The following ELMO1 variants were observed in gnomAD, a reference collection of about 807,000 sequenced individuals.
ELMO1 encodes the protein engulfment and cell motility protein 1.
Under a neutral mutation model 98.9 loss-of-function variants are expected in ELMO1, and 26 were observed. That is an observed-to-expected ratio of 0.26 (90% CI 0.19 to 0.36). ELMO1 has a LOEUF of 0.36. ELMO1 is among the 10% of genes least tolerant of loss of function. The probability of loss-of-function intolerance (pLI) is 1.00; values close to 1 mark genes in which losing one functional copy is unlikely to be tolerated. For missense variants in ELMO1, 627 were observed against 935.2 expected, an observed-to-expected ratio of 0.67 and a Z score of 4.30; for synonymous variants, 346 against 346.0, an observed-to-expected ratio of 1.00 and a Z score of 0.00.
chr7:37,309,744 G>T (rs1396331439), intron 4 of ELMO1, among the ~76,000 whole-genome samples: 1 of 152,176 alleles, frequency 6.6e-6, no homozygotes, highest in African/African-American at 2.4e-5. Flanking sequence ...GTCACAGCAG[G>T]TCTCTCACAA....
intron 1 of ELMO1, among the ~76,000 whole-genome samples, chr7:37,358,975 T>C (rs989732703): frequency 1.9e-4 from 29 of 152,266 alleles, no homozygotes; most frequent in African/African-American, 4.6e-4. Flanking sequence ...CAATTGATAA[T>C]AGACAAACAG....
At chr7:37,254,775 G>A (rs1795551255) in intron 6 of ELMO1, among the ~76,000 whole-genome samples, 1 of 152,214 alleles carries the variant, frequency 6.6e-6, no homozygotes, top group African/African-American at 2.4e-5. Context: ...CGTGACTGTA[G>A]TTAAGATATT....
intron 13 of ELMO1, among the ~76,000 whole-genome samples, chr7:37,145,105 T>C (rs1787897251): frequency 6.6e-6 from 1 of 152,200 alleles, no homozygotes; most frequent in African/African-American, 2.4e-5. Context: ...GTTAAAGCAC[T>C]GATTGCTGGC....
At chr7:36,937,694 T>C (rs1786666061) in intron 16 of ELMO1, among the ~76,000 whole-genome samples, 1 of 152,248 alleles carries the variant, frequency 6.6e-6, no homozygotes. Flanking sequence ...CTATTGACAA[T>C]AGTGTATGCT....
chr7:37,334,672 A>G (rs1562623096), intron 2 of ELMO1, among the ~76,000 whole-genome samples: 1 of 152,180 alleles, frequency 6.6e-6, no homozygotes, highest in Non-Finnish European at 1.5e-5. Flanking sequence ...TGCTGTTATT[A>G]TTACTGCTAC....
intron 15 of ELMO1, among the ~76,000 whole-genome samples, chr7:37,043,473 G>A (rs1161492016): frequency 6.6e-6 from 1 of 152,204 alleles, no homozygotes; most frequent in Non-Finnish European, 1.5e-5. Flanking sequence ...CCACACAGGA[G>A]GTTTTGGAGT....
At chr7:37,178,125 T>C (rs1418673808) in intron 13 of ELMO1, among the ~76,000 whole-genome samples, 1 of 151,936 alleles carries the variant, frequency 6.6e-6, no homozygotes, top group Non-Finnish European at 1.5e-5. Flanking sequence ...TTCATGCTGC[T>C]GATAAAGACA....
At chr7:37,328,094 G>A (rs565501725) in intron 2 of ELMO1, among the ~76,000 whole-genome samples, 9 of 152,154 alleles carry the variant, frequency 5.9e-5, no homozygotes, top group Admixed American at 1.3e-4. Context: ...AAAACGTTAC[G>A]TAATTTGGCC....
chr7:37,343,141 C>G (rs1800807941), intron 1 of ELMO1: 2 of 158,690 alleles, frequency 1.3e-5, no homozygotes, highest in Admixed American at 1.2e-4. Context: ...TGGCACTCAA[C>G]AGTCTGAGGA....
chr7:37,086,672 G>T (rs958666743), intron 15 of ELMO1, among the ~76,000 whole-genome samples: 1 of 148,194 alleles, frequency 6.7e-6, no homozygotes, highest in Admixed American at 6.8e-5. Flanking sequence ...GAACCCAGGA[G>T]GCGGAGGTTG....
At chr7:37,204,298 C>T (rs747667166) in intron 13 of ELMO1, 3 of 447,244 alleles carry the variant, frequency 6.7e-6, no homozygotes, top group Non-Finnish European at 1.3e-5. Flanking sequence ...GATGTTCGGA[C>T]ATGTCCAGAG....
intron 13 of ELMO1, among the ~76,000 whole-genome samples, chr7:37,158,017 T>G (rs200343149): frequency 7.7e-4 from 114 of 147,178 alleles, no homozygotes; most frequent in South Asian, 1.1e-3. Context: ...TACAACCATC[T>G]GATCTTTGAC....
intron 15 of ELMO1, among the ~76,000 whole-genome samples, chr7:37,040,542 T>C (rs986590133): frequency 1.2e-4 from 19 of 152,204 alleles, no homozygotes; most frequent in African/African-American, 4.6e-4. Flanking sequence ...CAGAACTCTG[T>C]GGATGCCAAA....
chr7:37,303,166 C>T (rs971687577), intron 4 of ELMO1, among the ~76,000 whole-genome samples: 9 of 151,986 alleles, frequency 5.9e-5, no homozygotes, highest in African/African-American at 1.9e-4. Context: ...CTGGGATAAC[C>T]GAAGTAAAGG....
At chr7:37,162,997 A>G (rs183649596) in intron 13 of ELMO1, among the ~76,000 whole-genome samples, 5 of 152,328 alleles carry the variant, frequency 3.3e-5, no homozygotes, top group East Asian at 1.9e-4. Context: ...ATGTTCCAAT[A>G]TGACATTGAA....
intron 1 of ELMO1, among the ~76,000 whole-genome samples, chr7:37,435,533 C>T (rs1208062085): frequency 6.6e-6 from 1 of 152,174 alleles, no homozygotes; most frequent in Non-Finnish European, 1.5e-5. Flanking sequence ...TTGATCTAGT[C>T]ATAAAAAATT....
intron 13 of ELMO1, among the ~76,000 whole-genome samples, chr7:37,202,588 G>T (rs1476995602): frequency 6.6e-6 from 1 of 152,170 alleles, no homozygotes; most frequent in Non-Finnish European, 1.5e-5. Context: ...GCCATTTCAA[G>T]GCAGTTTCTG....
intron 10 of ELMO1, among the ~76,000 whole-genome samples, chr7:37,219,014 A>G (rs779519073): frequency 8.5e-5 from 13 of 152,230 alleles, no homozygotes; most frequent in African/African-American, 3.1e-4. Context: ...ATAATGGTAA[A>G]AGTTGTAAGC....
intron 13 of ELMO1, among the ~76,000 whole-genome samples, chr7:37,193,590 G>A (rs1791781448): frequency 6.6e-6 from 1 of 152,082 alleles, no homozygotes; most frequent in Non-Finnish European, 1.5e-5. Context: ...GTAACCGGCA[G>A]CCTTCCGCAG....
Sources: allele counts gnomAD v4.1 joint callset (sites outside exome capture counted in the v4.1 genomes callset), GRCh38; gene constraint gnomAD v4.1.1; transcripts MANE v1.5; gene names NCBI Gene and HGNC (gene_info 2026-07-23, HGNC 2026-07-21).